STAU2: variants seen among roughly 807,000 people sequenced by gnomAD.
STAU2 encodes the protein staufen double-stranded RNA binding protein 2.
Under a neutral mutation model 65.9 loss-of-function variants are expected in STAU2, and 20 were observed. The observed-to-expected ratio is 0.30, with a 90% confidence interval of 0.21 to 0.44. STAU2 has a LOEUF of 0.44. Among genes scored for constraint, STAU2 ranks in the 20% least tolerant of loss-of-function variants. The pLI is 1.00. For synonymous variants in STAU2, 232 were observed against 233.9 expected, an observed-to-expected ratio of 0.99 and a Z score of 0.07; for missense variants, 558 against 683.9, an observed-to-expected ratio of 0.82 and a Z score of 2.05.
intron 13 of STAU2, among the ~76,000 whole-genome samples, chr8:73,507,028 G>A (rs181037895): frequency 3.3e-5 from 5 of 152,242 alleles, no homozygotes. Flanking sequence ...TACCACACCA[G>A]TAGTTACTTC....
intron 6 of STAU2, among the ~76,000 whole-genome samples, chr8:73,647,390 T>C (rs1199534138): frequency 6.6e-6 from 1 of 152,126 alleles, no homozygotes; most frequent in African/African-American, 2.4e-5. Flanking sequence ...CTCAAAAACA[T>C]AGAATACTAT....
At chr8:73,698,498 T>C (rs1819839103) in intron 4 of STAU2, among the ~76,000 whole-genome samples, 1 of 152,092 alleles carries the variant, frequency 6.6e-6, no homozygotes, top group Non-Finnish European at 1.5e-5. Context: ...CAGACACAGC[T>C]ATACTCATAT....
At chr8:73,676,369 A>C (rs1317069779) in intron 5 of STAU2, among the ~76,000 whole-genome samples, 1 of 152,224 alleles carries the variant, frequency 6.6e-6, no homozygotes, top group Admixed American at 6.5e-5. Flanking sequence ...TTTTAAATGA[A>C]GAAAAATATT....
At chr8:73,553,109 T>G (rs1807455967) in intron 12 of STAU2, among the ~76,000 whole-genome samples, 1 of 152,224 alleles carries the variant, frequency 6.6e-6, no homozygotes, top group Non-Finnish European at 1.5e-5. Flanking sequence ...TTGATGGAGC[T>G]TAAACCATAT....
intron 6 of STAU2, among the ~76,000 whole-genome samples, chr8:73,658,934 C>CAAAAAAAAAAA (rs72251012): frequency 2.1e-5 from 2 of 96,806 alleles, no homozygotes; most frequent in Non-Finnish European, 5.4e-5. Flanking sequence ...ACAACAACAA[C>CAAAAAAAAAAA]AAAAACAACA....
intron 4 of STAU2, among the ~76,000 whole-genome samples, chr8:73,696,680 CAGTT>C (rs1304877721): frequency 6.6e-6 from 1 of 152,018 alleles, no homozygotes; most frequent in Admixed American, 6.6e-5. Flanking sequence ...TGAAATTACA[CAGTT>C]AGAAAAGACA....
intron 3 of STAU2, among the ~76,000 whole-genome samples, chr8:73,722,233 T>G (rs1416525967): frequency 6.6e-6 from 1 of 152,198 alleles, no homozygotes; most frequent in Non-Finnish European, 1.5e-5. Context: ...TTTAGATAAG[T>G]TATAAACCCC....
intron 6 of STAU2, among the ~76,000 whole-genome samples, chr8:73,649,351 T>C (rs1291734282): frequency 6.6e-6 from 1 of 152,184 alleles, no homozygotes; most frequent in Non-Finnish European, 1.5e-5. Flanking sequence ...GACTTCTATT[T>C]GTATTTAAAT....
intron 10 of STAU2, among the ~76,000 whole-genome samples, chr8:73,598,657 G>C (rs910926855): frequency 6.6e-6 from 1 of 152,060 alleles, no homozygotes; most frequent in Non-Finnish European, 1.5e-5. Context: ...TATTACTACT[G>C]TTTAACAGTT....
At chr8:73,679,724 C>CAAAA (rs200202936) in intron 5 of STAU2, among the ~76,000 whole-genome samples, 1 of 137,444 alleles carries the variant, frequency 7.3e-6, no homozygotes, top group Non-Finnish European at 1.6e-5. Context: ...ACTAAAAATA[C>CAAAA]AAAAAAAAAA....
chr8:73,672,898 G>T, intron 6 of STAU2: 1 of 267,094 alleles, frequency 3.7e-6, no homozygotes, highest in South Asian at 1.1e-4. Context: ...TTGTGGGGTA[G>T]GGGAAAAAAA....
At chr8:73,637,224 A>C (rs1393604568) in intron 6 of STAU2, among the ~76,000 whole-genome samples, 1 of 151,788 alleles carries the variant, frequency 6.6e-6, no homozygotes, top group Non-Finnish European at 1.5e-5. Flanking sequence ...GGAACAGAAA[A>C]ATATTAAAAG....
At chr8:73,510,772 G>A (rs1822350533) in intron 13 of STAU2, among the ~76,000 whole-genome samples, 1 of 152,176 alleles carries the variant, frequency 6.6e-6, no homozygotes, top group Non-Finnish European at 1.5e-5. Context: ...AGAACAGGAT[G>A]GGGGAAACTG....
chr8:73,471,060 G>A (rs953912666), intron 13 of STAU2, among the ~76,000 whole-genome samples: 1 of 151,766 alleles, frequency 6.6e-6, no homozygotes, highest in Admixed American at 6.6e-5. Context: ...CTCTAAATCA[G>A]TACTCCCTAA....
intron 6 of STAU2, among the ~76,000 whole-genome samples, chr8:73,638,448 AGTT>A (rs1241848387): frequency 6.6e-6 from 1 of 151,274 alleles, no homozygotes; most frequent in Non-Finnish European, 1.5e-5. Flanking sequence ...ATTTTTTACT[AGTT>A]GTACCAACTA....
intron 12 of STAU2, among the ~76,000 whole-genome samples, chr8:73,577,500 T>C (rs1809662005): frequency 6.6e-6 from 1 of 151,684 alleles, no homozygotes; most frequent in South Asian, 2.1e-4. Context: ...GCAGTCAGAT[T>C]GTGTATTTCA....
chr8:73,643,734 T>C (rs1815160360), intron 6 of STAU2, among the ~76,000 whole-genome samples: 1 of 152,102 alleles, frequency 6.6e-6, no homozygotes, highest in Non-Finnish European at 1.5e-5. Flanking sequence ...TGTGCTACTG[T>C]CTGTTACTTC....
At chr8:73,645,345 A>G (rs145522582) in intron 6 of STAU2, among the ~76,000 whole-genome samples, 1,913 of 152,354 alleles carry the variant, frequency 0.013, 39 homozygotes, top group Middle Eastern at 0.068. Context: ...GAGAAATCAT[A>G]TGATCAGTTA....
Position 73,479,498 on chromosome 8 carries a change from A to T in STAU2, c.1531-56796T>A, listed in dbSNP as rs181060345. 5.3e-4 allele frequency among the ~76,000 whole-genome samples: 79 copies of T among 149,836 alleles called. No homozygotes were observed. The East Asian group carries it at 0.012, about 22-fold the overall frequency. ...CACACACACACACACACACACACAC[A>T]CTCTCATACAATGGGGGAAAGCTTT... On this transcript the variant is annotated intron_variant, in intron 13 of 14. Transcript: ENST00000524300.
Sources: gnomAD v4.1 joint callset for allele counts (sites outside exome capture counted in the v4.1 genomes callset) on GRCh38, gnomAD v4.1.1 for gene constraint, MANE v1.5 for transcripts, NCBI Gene and HGNC (gene_info 2026-07-23, HGNC 2026-07-21) for gene names.